The following GNA12 variants were observed in gnomAD, a reference collection of about 807,000 sequenced individuals.
GNA12 encodes guanine nucleotide-binding protein subunit alpha-12.
Under a neutral mutation model 26.0 loss-of-function variants are expected in GNA12, and 9 were observed. That is an observed-to-expected ratio of 0.35 (90% CI 0.21 to 0.60). GNA12 has a LOEUF of 0.60. Ranked by LOEUF, GNA12 falls within the 20% of genes least tolerant of loss-of-function variation. GNA12 has a pLI of 0.78. For missense variants in GNA12, 405 were observed against 525.8 expected (o/e 0.77, Z 2.25); for synonymous variants, 264 against 219.6 (o/e 1.20, Z -1.79).
intron 3 of GNA12, among the ~76,000 whole-genome samples, chr7:2,732,280 G>C (rs370975384): frequency 2.6e-5 from 4 of 152,082 alleles, no homozygotes; most frequent in African/African-American, 9.7e-5. Flanking sequence ...GGCCAGGCAC[G>C]GTGGCTCACA....
intron 1 of GNA12, among the ~76,000 whole-genome samples, chr7:2,831,438 C>T (rs1778648075): frequency 7.5e-6 from 1 of 133,176 alleles, no homozygotes; most frequent in African/African-American, 2.6e-5. Flanking sequence ...GAGTCTCACT[C>T]TGTCGCCCAG....
chr7:2,756,009 A>C (rs903394565), intron 2 of GNA12, among the ~76,000 whole-genome samples: 4 of 152,352 alleles, frequency 2.6e-5, no homozygotes, highest in Middle Eastern at 3.4e-3. Context: ...ACAGAATAAC[A>C]AACCATTTTA....
chr7:2,780,265 A>C (rs780375322), intron 2 of GNA12, among the ~76,000 whole-genome samples: 6 of 151,730 alleles, frequency 4.0e-5, no homozygotes, highest in Non-Finnish European at 8.8e-5. Context: ...TTAGTCAACC[A>C]ACCCCTACCA....
At chr7:2,737,927 C>T (rs1194249414) in intron 2 of GNA12, among the ~76,000 whole-genome samples, 1 of 152,156 alleles carries the variant, frequency 6.6e-6, no homozygotes, top group Non-Finnish European at 1.5e-5. Context: ...CAAAAGAAAT[C>T]CTCATTTTGA....
intron 1 of GNA12, among the ~76,000 whole-genome samples, chr7:2,810,686 C>T (rs1286791248): frequency 6.6e-6 from 1 of 152,068 alleles, no homozygotes; most frequent in Non-Finnish European, 1.5e-5. Flanking sequence ...CACCTGAGGT[C>T]GAGACCAGCC....
chr7:2,794,262 G>C (rs17132722), intron 2 of GNA12, among the ~76,000 whole-genome samples: 2,954 of 152,276 alleles, frequency 0.019, 54 homozygotes, highest in Middle Eastern at 0.075. Context: ...CTGTGAGAGT[G>C]AGAGGCATTT....
At chr7:2,743,744 G>A (rs1245720426) in intron 2 of GNA12, among the ~76,000 whole-genome samples, 4 of 152,198 alleles carry the variant, frequency 2.6e-5, no homozygotes, top group Non-Finnish European at 5.9e-5. Context: ...CTCGGGAAGC[G>A]CAAGGGGTCA....
At chr7:2,826,836 GA>G (rs1793495246) in intron 1 of GNA12, among the ~76,000 whole-genome samples, 1 of 152,158 alleles carries the variant, frequency 6.6e-6, no homozygotes, top group Admixed American at 6.5e-5. Flanking sequence ...TTAGGGCAGT[GA>G]AACTATTTTG....
intron 2 of GNA12, among the ~76,000 whole-genome samples, chr7:2,735,195 G>C (rs567996563): frequency 6.6e-6 from 1 of 152,302 alleles, no homozygotes; most frequent in East Asian, 1.9e-4. Flanking sequence ...CTGGGCCTCG[G>C]GAGGTGCCAC....
chr7:2,816,115 A>C (rs1322650459), intron 1 of GNA12, among the ~76,000 whole-genome samples: 2 of 152,242 alleles, frequency 1.3e-5, no homozygotes, highest in Non-Finnish European at 2.9e-5. Flanking sequence ...AACGGTAAAC[A>C]ACCTGAATAC....
At chr7:2,809,980 G>T (rs1192222593) in intron 1 of GNA12, among the ~76,000 whole-genome samples, 1 of 152,114 alleles carries the variant, frequency 6.6e-6, no homozygotes, top group Admixed American at 6.5e-5. Context: ...TCTGAATTCG[G>T]AACAGTCTTC....
intron 1 of GNA12, among the ~76,000 whole-genome samples, chr7:2,808,264 C>T (rs920676203): frequency 6.6e-6 from 1 of 152,266 alleles, no homozygotes; most frequent in Non-Finnish European, 1.5e-5. Context: ...CCGACACCCA[C>T]CTAGAGCAGC....
intron 2 of GNA12, among the ~76,000 whole-genome samples, chr7:2,781,227 C>G (rs1025713262): frequency 6.6e-6 from 1 of 152,100 alleles, no homozygotes; most frequent in African/African-American, 2.4e-5. Flanking sequence ...TTATGGGAGT[C>G]AAATTATTAA....
intron 1 of GNA12, among the ~76,000 whole-genome samples, chr7:2,804,973 T>C (rs1792909497): frequency 6.6e-6 from 1 of 151,978 alleles, no homozygotes; most frequent in Non-Finnish European, 1.5e-5. Context: ...CTTTTGATTA[T>C]CAAACATGAT....
At chr7:2,764,247 T>TC (rs200536881) in intron 2 of GNA12, among the ~76,000 whole-genome samples, 64 of 147,926 alleles carry the variant, frequency 4.3e-4, no homozygotes, top group South Asian at 6.4e-4. Context: ...CTAATTTCTT[T>TC]TTTTTTTTTT....
intron 1 of GNA12, among the ~76,000 whole-genome samples, chr7:2,818,361 G>A (rs1340488274): frequency 6.6e-6 from 1 of 152,224 alleles, no homozygotes; most frequent in Admixed American, 6.5e-5. Context: ...AAACACGCCT[G>A]CAGACGCTGC....
intron 2 of GNA12, among the ~76,000 whole-genome samples, chr7:2,783,899 G>A (rs1238778800): frequency 2.0e-5 from 3 of 151,804 alleles, no homozygotes; most frequent in Non-Finnish European, 4.4e-5. Flanking sequence ...TGGCCAGGCT[G>A]GTCTCAAACT....
At chr7:2,835,329 C>T (rs959465119) in intron 1 of GNA12, among the ~76,000 whole-genome samples, 7 of 152,106 alleles carry the variant, frequency 4.6e-5, no homozygotes, top group South Asian at 4.2e-4. Context: ...CAGGAAGTGA[C>T]GAGATATCAT....
intron 1 of GNA12, among the ~76,000 whole-genome samples, chr7:2,800,531 G>A (rs1352445755): frequency 6.6e-6 from 1 of 152,214 alleles, no homozygotes; most frequent in African/African-American, 2.4e-5. Context: ...CTGCCTCTCT[G>A]TACTATCTTT....
Sources: allele counts gnomAD v4.1 joint callset (sites outside exome capture counted in the v4.1 genomes callset), GRCh38; gene constraint gnomAD v4.1.1; transcripts MANE v1.5; gene names NCBI Gene and HGNC (gene_info 2026-07-23, HGNC 2026-07-21).